Variants in TMEM132E observed in about 807,000 individuals in gnomAD.
TMEM132E encodes transmembrane protein 132E.
Under a neutral mutation model 78.5 loss-of-function variants are expected in TMEM132E, and 49 were observed. The ratio of observed to expected loss-of-function variants is 0.62; its 90% CI spans 0.50 to 0.79. The LOEUF (loss-of-function observed/expected upper bound fraction) is 0.79. Among genes scored for constraint, TMEM132E ranks in the 30% least tolerant of loss-of-function variants. The pLI is 0.00. For synonymous variants in TMEM132E, 715 were observed against 670.6 expected, an observed-to-expected ratio of 1.07 and a Z score of -1.02; for missense variants, 1,403 against 1,470.9, an observed-to-expected ratio of 0.95 and a Z score of 0.75.
chr17:34,588,367 C>A (rs1235369211), intron 1 of TMEM132E, among the ~76,000 whole-genome samples: 1 of 152,298 alleles, frequency 6.6e-6, no homozygotes, highest in East Asian at 1.9e-4. Context: ...AGACCTGGAA[C>A]GTGTGTGATC....
chr17:34,588,010 C>T (rs1249670298), intron 1 of TMEM132E, among the ~76,000 whole-genome samples: 1 of 152,194 alleles, frequency 6.6e-6, no homozygotes, highest in Non-Finnish European at 1.5e-5. Context: ...CATGCGGGCC[C>T]TTATACCTGA....
chr17:34,611,756 G>A lies in TMEM132E; in HGVS notation c.68-14371G>A, dbSNP rs371942722. On this transcript the variant is annotated intron_variant, in intron 1 of 8. Coordinates refer to ENST00000631683, the MANE Select transcript of TMEM132E (RefSeq NM_001304438.2). ...TTTGTTAGCTCCATTTTGTAGATAG[G>A]GAAGCTGAGGTTCAAAGACTAAGTG... Among the ~76,000 whole-genome samples the A allele has an allele frequency of 6.0e-4, 92 of 152,280 alleles. 1 individual carries two copies. The highest frequency in any genetic ancestry group is 2.1e-3 in the African/African-American group (87 of 41,560).
In TMEM132E at chr17:34,591,910, C is replaced by G. The variant is rs540909936; in HGVS notation, c.67+10767C>G. Among the ~76,000 whole-genome samples the G allele has an allele frequency of 2.0e-5, 3 of 152,330 alleles. No individual in the cohort carries two copies. In the South Asian group the frequency reaches 6.2e-4, roughly 32 times the overall value. Reference sequence around the variant, plus strand: ...ACTGGGAGTAATATCCTCTCTCAGGCTGGGCTGCCGCATGAATGAGATCCC... The same window carrying G: ...ACTGGGAGTAATATCCTCTCTCAGGGTGGGCTGCCGCATGAATGAGATCCC... On this transcript the variant is annotated intron_variant, in intron 1 of 8. Transcript: ENST00000631683.
chr17:34,632,955 G>A (rs772120537), intron 6 of TMEM132E, 46 bp downstream of exon 6: 70 of 1,602,262 alleles, frequency 4.4e-5, no homozygotes, highest in Admixed American at 2.2e-4. Context: ...CTCATGGGTG[G>A]ATACAGCCTC....
rs771832453 is a variant in TMEM132E at position 34,629,125 on chromosome 17, C to A, written c.1259C>A (p.Ala420Asp). Reference sequence around the variant, plus strand: ...CACATTGACTACCGTGGCCACGGCGCCCTGCCTGACCTGGAGCGGGCAGTC... The same window carrying A: ...CACATTGACTACCGTGGCCACGGCGACCTGCCTGACCTGGAGCGGGCAGTC... ...MWHIDYRGHG[A>D]LPDLERAVTE... is the part of the protein sequence containing the mutation. Residue 420 changes from alanine to aspartate, a missense_variant, in exon 4 of 9, where the codon GCC (alanine) becomes GAC (aspartate). Transcript: ENST00000631683. The A allele has an allele frequency of 6.2e-7, 1 of 1,613,676 alleles. No individual in the cohort carries two copies. The highest frequency in any genetic ancestry group is 1.3e-5 in the African/African-American group (1 of 74,932).
intron 1 of TMEM132E, among the ~76,000 whole-genome samples, chr17:34,581,778 G>T (rs1004423162): frequency 2.6e-5 from 4 of 151,866 alleles, no homozygotes; most frequent in African/African-American, 9.6e-5. Context: ...GGCCGCGCGC[G>T]GAGGGAGCGG....
At chr17:34,616,511 C>T (rs941975986) in intron 1 of TMEM132E, among the ~76,000 whole-genome samples, 6 of 152,206 alleles carry the variant, frequency 3.9e-5, no homozygotes, top group African/African-American at 1.2e-4. Flanking sequence ...GGGGCTCCTG[C>T]TGCTCCTAGC....
intron 7 of TMEM132E, 56 bp from the exon 8 acceptor site, chr17:34,635,951 G>T: frequency 7.5e-7 from 1 of 1,330,076 alleles, no homozygotes; most frequent in East Asian, 3.1e-5. Context: ...TGGGGGTCTT[G>T]GGCAGGGGGG....
rs371792832 is a variant in TMEM132E, at chr17:34,624,864, A to G, written c.68-1263A>G. The stretch of plus-strand genomic sequence containing the variant: ...GTGCTTTCTTATTTGATTCTGAGAA[A>G]CAAAACAAATGACAACACAGCCTCC... On this transcript the variant is annotated intron_variant, in intron 1 of 8. Coordinates refer to ENST00000631683, the MANE Select transcript of TMEM132E (RefSeq NM_001304438.2). Among the ~76,000 whole-genome samples the G allele has an allele frequency of 1.5e-4, 23 of 152,366 alleles. No individual in the cohort carries two copies. In the East Asian group the frequency reaches 2.3e-3, roughly 15 times the overall value.
Position 34,626,244 on chromosome 17 carries a change from G to T in TMEM132E, c.185G>T (p.Arg62Leu). 1 of 1,597,724 alleles carries T rather than the reference G, an allele frequency of 6.3e-7. No individual in the cohort carries two copies. The highest frequency in any genetic ancestry group is 8.5e-7 in the Non-Finnish European group (1 of 1,172,844). The change falls in exon 2 of 9, where the codon CGG (arginine) becomes CTG (leucine). Residue 62 changes from arginine (R) to leucine (L), a missense_variant. Coordinates refer to ENST00000631683, the MANE Select transcript of TMEM132E (RefSeq NM_001304438.2). ...TRLAFFLREA[R>L]PPSPAVANSS... ...CTGGCCTTCTTCCTGCGGGAGGCGC[G>T]GCCCCCGTCACCCGCGGTCGCCAAC... is the stretch of plus-strand genomic sequence containing the variant.
chr17:34,590,485 ATCTGGGGAGGCT>A lies in TMEM132E; in HGVS notation c.67+9345_67+9356del, dbSNP rs199548654. The stretch of plus-strand genomic sequence containing the variant: ...GAGAAATGTCATAACTGTTAGAGGG[ATCTGGGGAGGCT>A]TCATGGAAGAAGTGCCACTTTAGGA... On this transcript the variant is annotated intron_variant, in intron 1 of 8. Coordinates refer to ENST00000631683, the MANE Select transcript of TMEM132E (RefSeq NM_001304438.2). Among the ~76,000 whole-genome samples the A allele has an allele frequency of 6.1e-3, 925 of 152,316 alleles. 11 individuals are homozygous for A. Among genetic ancestry groups the A allele is most frequent in the African/African-American group, 0.021 (889 of 41,568 alleles).
Position 34,632,801 on chromosome 17 carries a change from C to T in TMEM132E, c.1580C>T (p.Pro527Leu). ...TTCCGCTACGACGTCCTCAATGCTC[C>T]CCTGGAAATGACAGTCTGGGTCCCC... ...VTFRYDVLNA[P>L]LEMTVWVPKL... is the part of the protein sequence containing the mutation. Residue 527 changes from proline to leucine, a missense_variant, in exon 6 of 9, where the codon CCC becomes CTC. Physicochemically the swap from Pro to Leu is moderately conservative, Grantham distance 98. This residue lies in a region of TMEM132E where 888 missense variants were observed against 952.8 expected (regional missense o/e 0.93). Coordinates refer to ENST00000631683, the MANE Select transcript of TMEM132E (RefSeq NM_001304438.2). The T allele has an allele frequency of 1.9e-6, 3 of 1,614,190 alleles. No individual in the cohort carries two copies. Among genetic ancestry groups the T allele is most frequent in the Non-Finnish European group, 2.5e-6 (3 of 1,180,042 alleles).
chr17:34,628,877 TG>T (rs886532178), intron 3 of TMEM132E, 134 bp from the exon 4 acceptor site: 29 of 1,380,258 alleles, frequency 2.1e-5, no homozygotes, highest in Non-Finnish European at 2.8e-5. Flanking sequence ...GCACCTCAGA[TG>T]GGCTGGAGAA....
chr17:34,581,451 C>A lies in TMEM132E; in HGVS notation c.67+308C>A, dbSNP rs918030648. Among the ~76,000 whole-genome samples the A allele has an allele frequency of 1.8e-4, 27 of 151,688 alleles. No homozygotes were observed. In the East Asian group the frequency reaches 2.3e-3, roughly 13 times the overall value. On this transcript the variant is annotated intron_variant, in intron 1 of 8. Transcript: ENST00000631683. Reference sequence around the variant, plus strand: ...TCCGCCCACGGAAATCTAGAGGGATCCGAGGGATCCTCCGGATCGCGTCCA... The same window carrying A: ...TCCGCCCACGGAAATCTAGAGGGATACGAGGGATCCTCCGGATCGCGTCCA...
intron 1 of TMEM132E, among the ~76,000 whole-genome samples, chr17:34,621,816 CTG>C (rs34320048): frequency 7.6e-4 from 113 of 148,194 alleles, no homozygotes; most frequent in Middle Eastern, 7.0e-3. Context: ...AGGTGCCAGC[CTG>C]TGTGTGTGTG....
At chr17:34,617,032 C>G (rs1002913016) in intron 1 of TMEM132E, among the ~76,000 whole-genome samples, 8 of 152,242 alleles carry the variant, frequency 5.3e-5, no homozygotes, top group African/African-American at 1.9e-4. Context: ...CATAGAGGCC[C>G]TGCCCTGGTG....
At chr17:34,582,881 G>A (rs367782595) in intron 1 of TMEM132E, among the ~76,000 whole-genome samples, 85 of 152,112 alleles carry the variant, frequency 5.6e-4, no homozygotes, top group Non-Finnish European at 5.3e-4. Flanking sequence ...CAACCATGGC[G>A]TCACCTCAAA....
chr17:34,594,545 G>A (rs781318013), intron 1 of TMEM132E, among the ~76,000 whole-genome samples: 13 of 152,254 alleles, frequency 8.5e-5, no homozygotes, highest in Middle Eastern at 3.4e-3. Flanking sequence ...TTGGAGCAGC[G>A]CCTGGCTTGT....
At chr17:34,585,802 G>A (rs565693284) in intron 1 of TMEM132E, among the ~76,000 whole-genome samples, 1 of 152,314 alleles carries the variant, frequency 6.6e-6, no homozygotes, top group East Asian at 1.9e-4. Flanking sequence ...AGAAATGTGA[G>A]GGATTCCAGA....
Sources: gnomAD v4.1 joint callset for allele counts (sites outside exome capture counted in the v4.1 genomes callset) on GRCh38, gnomAD v4.1.1 for gene constraint, gnomAD v4.1.1 regional missense constraint, MANE v1.5 for transcripts, NCBI Gene and HGNC (gene_info 2026-07-23, HGNC 2026-07-21) for gene names.